KLHL29: variants seen among roughly 807,000 people sequenced by gnomAD.
KLHL29 encodes the protein kelch like family member 29.
Under a neutral mutation model 80.4 loss-of-function variants are expected in KLHL29, and 21 were observed. That is an observed-to-expected ratio of 0.26 (90% CI 0.19 to 0.38). The LOEUF (loss-of-function observed/expected upper bound fraction) is 0.38, where lower values mean the gene tolerates loss of function less well. Among genes scored for constraint, KLHL29 ranks in the 10% least tolerant of loss-of-function variants. The probability of loss-of-function intolerance (pLI) is 1.00; values close to 1 mark genes in which losing one functional copy is unlikely to be tolerated. For synonymous variants in KLHL29, 511 were observed against 526.8 expected (o/e 0.97, Z 0.41); for missense variants, 867 against 1,223.9 (o/e 0.71, Z 4.35).
At chr2:23,670,984 CCCTCCCT>C in intron 5 of KLHL29, among the ~76,000 whole-genome samples, 1 of 9,706 alleles carries the variant, frequency 1.0e-4, no homozygotes, top group East Asian at 0.023. Flanking sequence ...CTCTCTCCCT[CCCTCCCT>C]CCCTCCCTCC....
At chr2:23,592,922 A>G (rs1184754135) in intron 3 of KLHL29, among the ~76,000 whole-genome samples, 4 of 152,002 alleles carry the variant, frequency 2.6e-5, no homozygotes, top group African/African-American at 9.7e-5. Flanking sequence ...GATTTCCACC[A>G]TTTGGTTTTG....
intron 1 of KLHL29, among the ~76,000 whole-genome samples, chr2:23,455,001 TGG>T (rs10679555): frequency 7.9e-6 from 1 of 126,902 alleles, no homozygotes; most frequent in Non-Finnish European, 1.6e-5. Flanking sequence ...AACAGTGGGT[TGG>T]GGGGGGGGCA....
chr2:23,466,339 T>C lies in KLHL29; in HGVS notation c.-153-9221T>C, dbSNP rs139125897. Among the ~76,000 whole-genome samples the C allele has an allele frequency of 3.9e-5, 6 of 152,378 alleles. No individual in the cohort carries two copies. In the East Asian group the frequency reaches 1.2e-3, roughly 29 times the overall value. ...AATATAAATAAGCCTTTAAGAAGCA[T>C]CTATGTGTTTCTTTTTATCAACCTT... On this transcript the variant is annotated intron_variant, in intron 1 of 13. Transcript: ENST00000486442.
intron 3 of KLHL29, chr2:23,617,502 A>T (rs1669051395): frequency 6.6e-6 from 1 of 152,222 alleles, no homozygotes; most frequent in Non-Finnish European, 1.5e-5. Context: ...ATTTTCAGGG[A>T]TGTTGCGTTA....
chr2:23,674,438 C>T (rs1362252131), intron 5 of KLHL29, among the ~76,000 whole-genome samples: 2 of 152,156 alleles, frequency 1.3e-5, no homozygotes, highest in African/African-American at 2.4e-5. Context: ...CCCTATAGAG[C>T]TCCCCTGGCA....
intron 11 of KLHL29, 100 bp from the exon 12 acceptor site, chr2:23,703,086 T>C (rs563139644): frequency 5.9e-6 from 5 of 841,126 alleles, no homozygotes; most frequent in South Asian, 5.8e-5. Context: ...CTGGCCATGC[T>C]GAGGGCGAGG....
At chr2:23,452,032 A>T (rs1663894008) in intron 1 of KLHL29, among the ~76,000 whole-genome samples, 1 of 151,872 alleles carries the variant, frequency 6.6e-6, no homozygotes, top group Non-Finnish European at 1.5e-5. Context: ...TTTTTTCTTG[A>T]AATAGGTCTT....
intron 2 of KLHL29, among the ~76,000 whole-genome samples, chr2:23,488,443 A>G (rs1333098964): frequency 1.3e-5 from 2 of 152,168 alleles, no homozygotes; most frequent in African/African-American, 2.4e-5. Flanking sequence ...GGGGCCTTGG[A>G]GGGCTCTTGG....
At chr2:23,601,745 A>G (rs1392322114) in intron 3 of KLHL29, among the ~76,000 whole-genome samples, 1 of 152,168 alleles carries the variant, frequency 6.6e-6, no homozygotes, top group Non-Finnish European at 1.5e-5. Context: ...TGAGGTTGGT[A>G]GGTTCCCAGG....
chr2:23,544,355 C>T (rs760645927), intron 2 of KLHL29, among the ~76,000 whole-genome samples: 1 of 152,332 alleles, frequency 6.6e-6, no homozygotes, highest in Non-Finnish European at 1.5e-5. Flanking sequence ...CGGGGCTGCG[C>T]TGCCTGGGCG....
intron 1 of KLHL29, among the ~76,000 whole-genome samples, chr2:23,446,857 AAGACTG>A: frequency 6.6e-6 from 1 of 152,320 alleles, no homozygotes; most frequent in South Asian, 2.1e-4. Context: ...GGAATCACAT[AAGACTG>A]ATGACTTTCT....
At chr2:23,391,954 A>G (rs983404942) in intron 1 of KLHL29, among the ~76,000 whole-genome samples, 2 of 152,226 alleles carry the variant, frequency 1.3e-5, no homozygotes, top group African/African-American at 4.8e-5. Context: ...CAGAGGGATT[A>G]GAAACATGGG....
chr2:23,491,973 C>T (rs1469364716), intron 2 of KLHL29, among the ~76,000 whole-genome samples: 2 of 152,196 alleles, frequency 1.3e-5, no homozygotes, highest in African/African-American at 4.8e-5. Context: ...CCCCACTGCT[C>T]TTGACTTCCT....
chr2:23,559,974 G>A (rs902100371), intron 2 of KLHL29, among the ~76,000 whole-genome samples: 21 of 152,146 alleles, frequency 1.4e-4, no homozygotes, highest in African/African-American at 4.1e-4. Context: ...GCAGAGGAGG[G>A]TTCCGGAAAG....
Position 23,684,342 on chromosome 2 carries a change from A to G in KLHL29, c.941-57A>G, listed in dbSNP as rs758382685. 1 of 518,728 alleles carries G rather than the reference A, an allele frequency of 1.9e-6. No individual in the cohort carries two copies. Among genetic ancestry groups the G allele is most frequent in the Non-Finnish European group, 2.7e-6 (1 of 372,062 alleles). 32.1% of individuals were successfully genotyped at this position (518,728 alleles called of 1,614,324 possible). On this transcript the variant is annotated intron_variant, in intron 5 of 13. Transcript: ENST00000486442. This position sits in a 1 kb window ranked among gnomAD's most constrained non-coding sequence, Gnocchi z 4.4. Reference sequence around the variant, plus strand: ...AAAAGAAAAAAAACTTTTTTTAATTAAAAAAAAAAAAACTCTTAATGGGAA... The same window carrying G: ...AAAAGAAAAAAAACTTTTTTTAATTGAAAAAAAAAAAACTCTTAATGGGAA...
intron 3 of KLHL29, among the ~76,000 whole-genome samples, chr2:23,607,535 A>G (rs988393300): frequency 1.3e-5 from 2 of 152,220 alleles, no homozygotes; most frequent in African/African-American, 2.4e-5. Context: ...TATCTTATAC[A>G]TATTTGGGAC....
intron 13 of KLHL29, 144 bp from the exon 14 acceptor site, chr2:23,706,337 A>T: frequency 1.8e-6 from 1 of 569,236 alleles, no homozygotes; most frequent in Non-Finnish European, 2.8e-6. Flanking sequence ...AGCCCAGGTT[A>T]GAGGGCAAAG....
chr2:23,400,553 G>A (rs1043512074), intron 1 of KLHL29, among the ~76,000 whole-genome samples: 2 of 152,122 alleles, frequency 1.3e-5, no homozygotes, highest in Non-Finnish European at 2.9e-5. Context: ...ATGCAGCTGG[G>A]CACCGTGGCT....
chr2:23,700,483 T>C lies in KLHL29; in HGVS notation c.2106-2703T>C, dbSNP rs1025529962. Among the ~76,000 whole-genome samples the C allele has an allele frequency of 1.3e-5, 2 of 152,158 alleles. No individual in the cohort carries two copies. Among genetic ancestry groups the C allele is most frequent in the African/African-American group, 2.4e-5 (1 of 41,424 alleles). On this transcript the variant is annotated intron_variant, in intron 11 of 13. Coordinates refer to ENST00000486442, the MANE Select transcript of KLHL29 (RefSeq NM_052920.2). This position sits in a 1 kb window ranked among gnomAD's most constrained non-coding sequence, Gnocchi z 4.6. ...TCCAGAGAATGGTGGCCACAGCACA[T>C]CTCTTTCCAACTCCATGTTCAGCAA...
Sources: gnomAD v4.1 joint callset for allele counts (sites outside exome capture counted in the v4.1 genomes callset) on GRCh38, gnomAD v4.1.1 for gene constraint, Gnocchi (gnomAD v3.1) non-coding constraint, MANE v1.5 for transcripts, NCBI Gene and HGNC (gene_info 2026-07-23, HGNC 2026-07-21) for gene names.